CWF19L2: variants seen among roughly 807,000 people sequenced by gnomAD.
CWF19L2 encodes CWF19-like protein 2.
Under a neutral mutation model 111.7 loss-of-function variants are expected in CWF19L2, and 98 were observed. The ratio of observed to expected loss-of-function variants is 0.88; its 90% CI spans 0.75 to 1.04. CWF19L2 has a LOEUF of 1.04. Ranked by LOEUF, CWF19L2 falls within the 50% of genes least tolerant of loss-of-function variation. CWF19L2 has a pLI of 0.00. For synonymous variants in CWF19L2, 351 were observed against 342.9 expected, an observed-to-expected ratio of 1.02 and a Z score of -0.26; for missense variants, 1,101 against 1,051.4, an observed-to-expected ratio of 1.05 and a Z score of -0.65.
chr11:107,374,445 A>G (rs1341692620), intron 12 of CWF19L2, among the ~76,000 whole-genome samples: 1 of 133,846 alleles, frequency 7.5e-6, no homozygotes, highest in African/African-American at 3.1e-5. Context: ...TACAAGCCAG[A>G]AGAGAGTGGG....
chr11:107,421,198 C>T (rs1010261376), intron 8 of CWF19L2, among the ~76,000 whole-genome samples: 1 of 151,946 alleles, frequency 6.6e-6, no homozygotes, highest in African/African-American at 2.4e-5. Context: ...GTAAATAACC[C>T]ATGGGTCAAA....
chr11:107,446,815 C>T (rs1000853359), intron 3 of CWF19L2, among the ~76,000 whole-genome samples: 6 of 152,182 alleles, frequency 3.9e-5, no homozygotes, highest in African/African-American at 9.7e-5. Context: ...TGCACTCACT[C>T]ACCTTACCAC....
chr11:107,396,077 AT>A (rs1198863389), intron 10 of CWF19L2, among the ~76,000 whole-genome samples: 2 of 152,200 alleles, frequency 1.3e-5, no homozygotes, highest in Non-Finnish European at 2.9e-5. Flanking sequence ...AAGTTGCTCC[AT>A]TTTGGGTACG....
intron 12 of CWF19L2, among the ~76,000 whole-genome samples, chr11:107,388,193 T>C (rs1298988653): frequency 6.6e-6 from 1 of 152,206 alleles, no homozygotes; most frequent in Non-Finnish European, 1.5e-5. Flanking sequence ...CTTCATTTTC[T>C]ACAAAACTAT....
At chr11:107,373,010 CGG>C (rs1424260880) in intron 12 of CWF19L2, among the ~76,000 whole-genome samples, 6,947 of 43,174 alleles carry the variant, frequency 0.16, 1,655 homozygotes, top group African/African-American at 0.25. Flanking sequence ...AAAGGGGTGA[CGG>C]ACGCACCTGG....
At chr11:107,352,075 G>C (rs1860163403) in intron 13 of CWF19L2, among the ~76,000 whole-genome samples, 1 of 152,098 alleles carries the variant, frequency 6.6e-6, no homozygotes, top group Admixed American at 6.6e-5. Context: ...ATCCAGTAAG[G>C]GTAGTACCCA....
intron 12 of CWF19L2, among the ~76,000 whole-genome samples, chr11:107,387,463 AAAAC>A (rs752140269): frequency 0.33 from 23,839 of 72,140 alleles, 2,044 homozygotes; most frequent in East Asian, 0.39. Context: ...AAAACAAAAC[AAAAC>A]AAAAAACAAA....
chr11:107,384,432 T>A (rs1426711356), intron 12 of CWF19L2, among the ~76,000 whole-genome samples: 4 of 152,162 alleles, frequency 2.6e-5, no homozygotes, highest in African/African-American at 7.2e-5. Flanking sequence ...TGCAACAAAG[T>A]TTGTGTATTC....
chr11:107,431,663 T>C (rs975037123), intron 7 of CWF19L2, among the ~76,000 whole-genome samples: 4 of 152,160 alleles, frequency 2.6e-5, no homozygotes, highest in Admixed American at 2.0e-4. Context: ...TATCACATAG[T>C]GACTACCACA....
At chr11:107,453,902 G>A (rs1185312109) in intron 3 of CWF19L2, among the ~76,000 whole-genome samples, 1 of 151,802 alleles carries the variant, frequency 6.6e-6, no homozygotes, top group Non-Finnish European at 1.5e-5. Flanking sequence ...CTATGGTGGT[G>A]GCTACAGGGT....
At chr11:107,342,296 T>C (rs1860015895) in intron 14 of CWF19L2, among the ~76,000 whole-genome samples, 2 of 152,042 alleles carry the variant, frequency 1.3e-5, no homozygotes, top group African/African-American at 2.4e-5. Flanking sequence ...CTTTTTAAAG[T>C]TGTTGAATAA....
chr11:107,329,963 G>A lies in CWF19L2; in HGVS notation c.2496C>T (p.Ala832=). Reference sequence around the variant, plus strand: ...ATTTGTGCTGATCTTCAATGACATGGGCAAACCCTCCGTGAAGGCCAAAAT... The same window carrying A: ...ATTTGTGCTGATCTTCAATGACATGAGCAAACCCTCCGTGAAGGCCAAAAT... ...SVDFGLHGGF[A]HVIEDQHKFP... is the part of the protein sequence containing the mutation. Residue 832 remains alanine (A), a synonymous_variant, in exon 17 of 18, where the codon GCC becomes GCT. Coordinates refer to ENST00000282251, the MANE Select transcript of CWF19L2 (RefSeq NM_152434.3). 6.3e-7 allele frequency: 1 copy of A among 1,592,136 alleles called. No individual in the cohort carries two copies. The highest frequency in any genetic ancestry group is 8.6e-7 in the Non-Finnish European group (1 of 1,169,320).
At chr11:107,426,768 TAA>T (rs140312911) in intron 8 of CWF19L2, among the ~76,000 whole-genome samples, 3,463 of 151,670 alleles carry the variant, frequency 0.023, 130 homozygotes, top group African/African-American at 0.078. Flanking sequence ...ATTAAATATA[TAA>T]GTTATGTTTT....
intron 12 of CWF19L2, among the ~76,000 whole-genome samples, chr11:107,355,090 T>C (rs1860215902): frequency 6.6e-6 from 1 of 152,122 alleles, no homozygotes; most frequent in Non-Finnish European, 1.5e-5. Flanking sequence ...GTAAATTACT[T>C]AGTGTAATGG....
intron 12 of CWF19L2, among the ~76,000 whole-genome samples, chr11:107,355,272 G>A (rs899585622): frequency 7.2e-5 from 11 of 151,964 alleles, no homozygotes; most frequent in South Asian, 2.1e-4. Context: ...AAAAGTAGCC[G>A]GGCGTGGTGG....
chr11:107,336,609 T>G lies in CWF19L2; in HGVS notation c.2307A>C (p.Glu769Asp). ...CCACTTCCTTGGGAAGAGGAATACA[T>G]TCATAAACCATGTGATACTGTTTCT... ...SMKKQYHMVY[E>D]CIPLPKEVGD... Residue 769 changes from glutamate (E) to aspartate (D), a missense_variant, in exon 15 of 18, where the codon GAA becomes GAC. Transcript: ENST00000282251. 6.2e-7 allele frequency: 1 copy of G among 1,608,906 alleles called. No homozygotes were observed. Among genetic ancestry groups the G allele is most frequent in the Non-Finnish European group, 8.5e-7 (1 of 1,177,794 alleles).
rs904233583 is a variant in CWF19L2 at position 107,404,953 on chromosome 11, G to A, written c.1617+11256C>T. Among the ~76,000 whole-genome samples, 34 of 152,158 alleles carry A rather than the reference G, an allele frequency of 2.2e-4. 1 individual carries two copies. Among genetic ancestry groups the A allele is most frequent in the African/African-American group, 7.7e-4 (32 of 41,428 alleles). On this transcript the variant is annotated intron_variant, in intron 10 of 17. Transcript: ENST00000282251. Reference sequence around the variant, plus strand: ...AAATATTGAGGAGCTCAGAAACAATGAGCAAGTTCCCAATTTGCCATCACA... The same window carrying A: ...AAATATTGAGGAGCTCAGAAACAATAAGCAAGTTCCCAATTTGCCATCACA...
chr11:107,372,907 G>A lies in CWF19L2; in HGVS notation c.1872+17167C>T, dbSNP rs375915799. On this transcript the variant is annotated intron_variant, in intron 12 of 17. Transcript: ENST00000282251. ...TGCCAGACAGTGGGCGCAGGCCAGT[G>A]GGTGCGCGCACCATGCGTGAGCCGA... Among the ~76,000 whole-genome samples, 3 of 127,212 alleles carry A rather than the reference G, an allele frequency of 2.4e-5. 1 individual carries two copies. Among genetic ancestry groups the A allele is most frequent in the African/African-American group, 1.0e-4 (3 of 29,462 alleles). 83.5% of individuals were successfully genotyped at this position (127,212 alleles called of 152,430 possible). A position where few individuals can be genotyped will look rare whatever the true frequency, so the allele number is the denominator to read the frequency against.
chr11:107,334,312 T>G (rs141384419), intron 16 of CWF19L2, among the ~76,000 whole-genome samples: 49 of 152,334 alleles, frequency 3.2e-4, no homozygotes, highest in African/African-American at 1.2e-3. Flanking sequence ...CCAGACGTGC[T>G]CAACTTAAGT....
Sources: gnomAD v4.1 joint callset for allele counts (sites outside exome capture counted in the v4.1 genomes callset) on GRCh38, gnomAD v4.1.1 for gene constraint, MANE v1.5 for transcripts, NCBI Gene and HGNC (gene_info 2026-07-23, HGNC 2026-07-21) for gene names.